The following CFHR4 variants were observed in gnomAD, a reference collection of about 807,000 sequenced individuals.
CFHR4 encodes the protein complement factor H-related protein 4.
Under a neutral mutation model 69.3 loss-of-function variants are expected in CFHR4, and 64 were observed. The ratio of observed to expected loss-of-function variants is 0.92; its 90% CI spans 0.76 to 1.14. The LOEUF (loss-of-function observed/expected upper bound fraction) is 1.14. Ranked by LOEUF, CFHR4 falls within the 50% of genes most tolerant of loss-of-function variation. CFHR4 has a pLI of 0.00. For synonymous variants in CFHR4, 244 were observed against 237.0 expected, an observed-to-expected ratio of 1.03 and a Z score of -0.27; for missense variants, 636 against 684.9, an observed-to-expected ratio of 0.93 and a Z score of 0.80.
At chr1:196,903,834 C>A (rs1366579396) in intron 2 of CFHR4, among the ~76,000 whole-genome samples, 2 of 151,084 alleles carry the variant, frequency 1.3e-5, no homozygotes, top group African/African-American at 4.9e-5. Context: ...CAATGCTTGC[C>A]CAAAGGTCAC....
chr1:196,897,727 A>G lies in CFHR4; in HGVS notation c.59-4691A>G, dbSNP rs184135562. On this transcript the variant is annotated intron_variant, in intron 1 of 9. Transcript: ENST00000608469. ...TTCTCTGCTGCCTTGTTCCGCTGTG[A>G]TTGTTCAGCCGCGTATGTGTGCCCG... 6.0e-4 allele frequency among the ~76,000 whole-genome samples: 91 copies of G among 151,124 alleles called. 2 individuals carry two copies. Among genetic ancestry groups the G allele is most frequent in the Non-Finnish European group, 1.0e-3 (68 of 67,870 alleles).
intron 1 of CFHR4, among the ~76,000 whole-genome samples, chr1:196,893,281 A>C (rs1287879305): frequency 6.6e-6 from 1 of 151,778 alleles, no homozygotes; most frequent in African/African-American, 2.4e-5. Context: ...TACGAAGGGG[A>C]GCAAGTTAGC....
At chr1:196,907,227 G>A (rs1657960630) in intron 4 of CFHR4, 89 bp from the exon 5 acceptor site, 1 of 1,256,502 alleles carries the variant, frequency 8.0e-7, no homozygotes, top group South Asian at 1.3e-5. Context: ...AATCAAATAA[G>A]ATACATTTAA....
Position 196,916,045 on chromosome 1 carries a change from T to C in CFHR4, c.1540+907T>C, listed in dbSNP as rs184197466. 1.5e-3 allele frequency among the ~76,000 whole-genome samples: 228 copies of C among 151,674 alleles called. 5 individuals are homozygous for C. Among genetic ancestry groups the C allele is most frequent in the African/African-American group, 5.3e-3 (218 of 41,214 alleles). ...AAAGAAATTAACGAAACTTCAGCCATTTCCACAACCCATTGCTTTTCCATT... is the reference window on the plus strand; with the variant it reads ...AAAGAAATTAACGAAACTTCAGCCACTTCCACAACCCATTGCTTTTCCATT... On this transcript the variant is annotated intron_variant, in intron 9 of 9. Coordinates refer to ENST00000608469, the MANE Select transcript of CFHR4 (RefSeq NM_001201550.3).
chr1:196,889,326 TC>T (rs984830663), intron 1 of CFHR4, among the ~76,000 whole-genome samples: 1 of 151,576 alleles, frequency 6.6e-6, no homozygotes, highest in Non-Finnish European at 1.5e-5. Context: ...CTCTTGTTAT[TC>T]CCTTTGTTAA....
At chr1:196,906,817 T>C (rs780617993) in intron 3 of CFHR4, 44 bp from the exon 4 acceptor site, 65 of 1,576,480 alleles carry the variant, frequency 4.1e-5, no homozygotes, top group Non-Finnish European at 5.2e-5. Context: ...GAGTTGTACA[T>C]CATATGGCAT....
Position 196,906,854 on chromosome 1 carries a change from G to C in CFHR4, c.440-7G>C. The stretch of plus-strand genomic sequence containing the variant: ...GAAAAGCAATCCTCAATTTTATTTT[G>C]TTTCAGAATTTTGTGATATGCCTGT... On this transcript the variant is annotated splice_polypyrimidine_tract_variant and splice_region_variant and intron_variant, in intron 3 of 9. Transcript: ENST00000608469. 1 of 1,597,408 alleles carries C rather than the reference G, an allele frequency of 6.3e-7. No homozygotes were observed. Among genetic ancestry groups the C allele is most frequent in the Non-Finnish European group, 8.5e-7 (1 of 1,173,568 alleles).
At chr1:196,907,869 C>G (rs1036127029) in intron 5 of CFHR4, among the ~76,000 whole-genome samples, 15 of 151,328 alleles carry the variant, frequency 9.9e-5, no homozygotes, top group Admixed American at 5.9e-4. Context: ...TTTGAAAACA[C>G]TGTTTTAAAA....
chr1:196,906,310 T>C (rs1657905336), intron 3 of CFHR4, among the ~76,000 whole-genome samples: 1 of 151,534 alleles, frequency 6.6e-6, no homozygotes, highest in South Asian at 2.1e-4. Flanking sequence ...CTGTTTTCAA[T>C]TTCTATGCTT....
chr1:196,897,257 C>T (rs1328084577), intron 1 of CFHR4, among the ~76,000 whole-genome samples: 3 of 151,554 alleles, frequency 2.0e-5, no homozygotes, highest in Admixed American at 1.3e-4. Flanking sequence ...TGCAGACGGG[C>T]AGGTGCAGAG....
chr1:196,901,831 T>G (rs766465833), intron 1 of CFHR4, among the ~76,000 whole-genome samples: 1 of 151,502 alleles, frequency 6.6e-6, no homozygotes, highest in Non-Finnish European at 1.5e-5. Context: ...CTTATTACAC[T>G]CTTAGATATT....
intron 2 of CFHR4, among the ~76,000 whole-genome samples, chr1:196,904,565 C>A (rs1167259893): frequency 1.3e-5 from 2 of 151,288 alleles, no homozygotes; most frequent in Non-Finnish European, 1.5e-5. Flanking sequence ...CTTATTTTTG[C>A]TATCTTGTTT....
At chr1:196,917,831 C>A (rs1302247978) in intron 9 of CFHR4, among the ~76,000 whole-genome samples, 1 of 151,532 alleles carries the variant, frequency 6.6e-6, no homozygotes, top group Non-Finnish European at 1.5e-5. Context: ...TGCTTGTAGT[C>A]ACGGCTTGTC....
At chr1:196,901,621 C>T (rs575604658) in intron 1 of CFHR4, among the ~76,000 whole-genome samples, 48 of 151,132 alleles carry the variant, frequency 3.2e-4, no homozygotes, top group African/African-American at 1.1e-3. Context: ...AAATTATCTC[C>T]GAATCATCCC....
chr1:196,899,283 G>A (rs1316917695), intron 1 of CFHR4, among the ~76,000 whole-genome samples: 1 of 151,068 alleles, frequency 6.6e-6, no homozygotes, highest in Non-Finnish European at 1.5e-5. Flanking sequence ...GATAGTCCAT[G>A]ACAGAAAAAT....
At position 196,888,197 on chromosome 1, in the gene CFHR4, C is replaced by T; in HGVS notation, c.47C>T (p.Ala16Val). 1.2e-6 allele frequency: 2 copies of T among 1,611,048 alleles called. No individual in the cohort carries two copies. The highest frequency in any genetic ancestry group is 1.7e-6 in the Non-Finnish European group (2 of 1,178,548). The change falls in exon 1 of 10, where the codon GCT becomes GTT. Residue 16 changes from alanine (A) to valine (V), a missense_variant. Around this residue, in one of 3 missense-constraint regions of CFHR4, gnomAD observed 529 missense variants for 533.2 expected, o/e 0.99. Transcript: ENST00000608469. ...NVILTLWVSC[A>V]NGQEVKPCDF... ...ATTCTGACCTTGTGGGTTTCCTGTG[C>T]TAATGGACAAGGTAAGTTGAAAGAG...
At position 196,902,470 on chromosome 1, in the gene CFHR4, G is replaced by T; in HGVS notation, c.111G>T (p.Lys37Asn). The change falls in exon 2 of 10, where the codon AAG (lysine) becomes AAT (asparagine). Residue 37 changes from lysine (K) to asparagine (N), a missense_variant. Transcript: ENST00000608469. ...PEIQHGGLYY[K>N]SLRRLYFPAA... ...TTCAACATGGAGGTCTATATTATAAGAGTTTGCGTAGACTATACTTTCCAG... is the reference window on the plus strand; with the variant it reads ...TTCAACATGGAGGTCTATATTATAATAGTTTGCGTAGACTATACTTTCCAG... 6.2e-7 allele frequency: 1 copy of T among 1,611,992 alleles called. No homozygotes were observed.
chr1:196,890,676 A>G (rs535834684), intron 1 of CFHR4, among the ~76,000 whole-genome samples: 1 of 151,574 alleles, frequency 6.6e-6, no homozygotes, highest in East Asian at 1.9e-4. Flanking sequence ...AAACTAGATC[A>G]TTTTCAATAC....
intron 1 of CFHR4, among the ~76,000 whole-genome samples, chr1:196,889,988 C>A (rs1306344633): frequency 6.6e-6 from 1 of 151,346 alleles, no homozygotes; most frequent in Non-Finnish European, 1.5e-5. Flanking sequence ...GTATTAGCCT[C>A]CAGAACTGTA....
Sources: gnomAD v4.1 joint callset for allele counts (sites outside exome capture counted in the v4.1 genomes callset) on GRCh38, gnomAD v4.1.1 for gene constraint, gnomAD v4.1.1 regional missense constraint, MANE v1.5 for transcripts, NCBI Gene and HGNC (gene_info 2026-07-23, HGNC 2026-07-21) for gene names.